Variants in ANXA10 observed in about 807,000 individuals in gnomAD.
ANXA10 encodes the protein annexin A10.
ANXA10 carries 49 observed loss-of-function variants against 53.5 expected under a neutral mutation model. That is an observed-to-expected ratio of 0.92 (90% CI 0.73 to 1.16). The LOEUF is 1.16. ANXA10 is among the 50% of genes most tolerant of loss of function. The pLI is 0.00. For synonymous variants in ANXA10, 131 were observed against 128.9 expected (o/e 1.02, Z -0.11); for missense variants, 393 against 394.4 (o/e 1.00, Z 0.03).
intron 3 of ANXA10, 30 bp downstream of exon 3, chr4:168,139,610 A>G: frequency 6.4e-7 from 1 of 1,563,446 alleles, no homozygotes; most frequent in Non-Finnish European, 8.8e-7. Flanking sequence ...ACCTATTTCT[A>G]GGGCAATCTC....
At chr4:168,108,430 G>A (rs1229288002) in intron 1 of ANXA10, among the ~76,000 whole-genome samples, 1 of 152,134 alleles carries the variant, frequency 6.6e-6, no homozygotes, top group African/African-American at 2.4e-5. Context: ...ATTTAGCACT[G>A]ATACACTATG....
intron 3 of ANXA10, among the ~76,000 whole-genome samples, chr4:168,141,375 A>G (rs1731322428): frequency 6.6e-6 from 1 of 152,164 alleles, no homozygotes; most frequent in African/African-American, 2.4e-5. Context: ...GATCTTCATC[A>G]TTTTGTGCCC....
At chr4:168,109,971 G>T (rs1730777609) in intron 1 of ANXA10, among the ~76,000 whole-genome samples, 1 of 152,228 alleles carries the variant, frequency 6.6e-6, no homozygotes. Flanking sequence ...AGCACTTCGG[G>T]AGGCCGAGAC....
intron 9 of ANXA10, among the ~76,000 whole-genome samples, chr4:168,180,669 A>G (rs1279999179): frequency 6.6e-6 from 1 of 152,236 alleles, no homozygotes; most frequent in Non-Finnish European, 1.5e-5. Flanking sequence ...AATGAAAGAA[A>G]AGATGAGGGT....
intron 11 of ANXA10, among the ~76,000 whole-genome samples, chr4:168,186,978 A>G (rs185951506): frequency 2.0e-5 from 3 of 152,224 alleles, no homozygotes; most frequent in South Asian, 4.1e-4. Context: ...ATTAATAATT[A>G]TAAATATTTT....
At chr4:168,152,673 G>A (rs542814045) in intron 3 of ANXA10, among the ~76,000 whole-genome samples, 76 of 151,318 alleles carry the variant, frequency 5.0e-4, no homozygotes, top group Admixed American at 4.4e-3. Flanking sequence ...AGGGAAACTC[G>A]CTTGGAGGCT....
At chr4:168,170,019 T>C (rs1296458822) in intron 6 of ANXA10, among the ~76,000 whole-genome samples, 1 of 152,232 alleles carries the variant, frequency 6.6e-6, no homozygotes, top group Admixed American at 6.5e-5. Flanking sequence ...CTTTTGGATG[T>C]AATAGGGCAA....
chr4:168,121,848 G>A (rs1314901194), intron 1 of ANXA10, among the ~76,000 whole-genome samples: 2 of 151,324 alleles, frequency 1.3e-5, no homozygotes, highest in Non-Finnish European at 2.9e-5. Flanking sequence ...TTTTTGTTTT[G>A]TTTTTGTTTT....
At chr4:168,126,037 A>T (rs1209103557) in intron 1 of ANXA10, among the ~76,000 whole-genome samples, 1 of 152,178 alleles carries the variant, frequency 6.6e-6, no homozygotes, top group African/African-American at 2.4e-5. Context: ...ATCTTAATAC[A>T]TACAGATACA....
intron 1 of ANXA10, among the ~76,000 whole-genome samples, chr4:168,120,936 A>C (rs186848947): frequency 1.3e-5 from 2 of 152,236 alleles, no homozygotes; most frequent in East Asian, 3.9e-4. Flanking sequence ...CTTCATATCC[A>C]GATCTAGGAC....
rs146609691 is a variant in ANXA10 at position 168,113,544 on chromosome 4, G to A, written c.19-14540G>A. Among the ~76,000 whole-genome samples the A allele has an allele frequency of 6.4e-3, 980 of 152,378 alleles. 11 individuals carry two copies. Among genetic ancestry groups the A allele is most frequent in the Non-Finnish European group, 8.7e-3 (595 of 68,032 alleles). ...TAAAGGAAAAGTGCTGTGTTCTCAAGTAACAGAAGGTGGAGGAACTCCTTT... is the reference window on the plus strand; with the variant it reads ...TAAAGGAAAAGTGCTGTGTTCTCAAATAACAGAAGGTGGAGGAACTCCTTT... On this transcript the variant is annotated intron_variant, in intron 1 of 11. Transcript: ENST00000359299.
intron 1 of ANXA10, among the ~76,000 whole-genome samples, chr4:168,102,061 T>C (rs1292748487): frequency 6.6e-6 from 1 of 152,158 alleles, no homozygotes; most frequent in East Asian, 1.9e-4. Context: ...GAGAAACAAC[T>C]TTACCAAGAG....
At chr4:168,121,997 CA>C (rs1730993663) in intron 1 of ANXA10, among the ~76,000 whole-genome samples, 1 of 140,340 alleles carries the variant, frequency 7.1e-6, no homozygotes, top group African/African-American at 2.5e-5. Flanking sequence ...CGCCCACCAC[CA>C]CGCCCGGCTA....
intron 6 of ANXA10, among the ~76,000 whole-genome samples, chr4:168,173,286 T>G (rs1249196562): frequency 6.6e-6 from 1 of 152,182 alleles, no homozygotes; most frequent in Non-Finnish European, 1.5e-5. Context: ...TGGTAGCCTC[T>G]GAGCAAGCAA....
rs2149480751 is a variant in ANXA10, at chr4:168,177,804, C to T, written c.534+11C>T. 6.2e-7 allele frequency: 1 copy of T among 1,614,136 alleles called. No individual in the cohort carries two copies. Among genetic ancestry groups the T allele is most frequent in the South Asian group, 1.1e-5 (1 of 91,082 alleles). On this transcript the variant is annotated intron_variant, in intron 7 of 11. Transcript: ENST00000359299. ...GCTCAGGATGCAATGGTAACTAGAA[C>T]CAGTTCTCAGACTGACTGCAAAGAA...
At chr4:168,104,788 A>G (rs552474994) in intron 1 of ANXA10, among the ~76,000 whole-genome samples, 27 of 151,798 alleles carry the variant, frequency 1.8e-4, no homozygotes, top group Non-Finnish European at 3.1e-4. Flanking sequence ...CCAAATAATA[A>G]CTTTACTTCA....
intron 1 of ANXA10, among the ~76,000 whole-genome samples, chr4:168,098,193 A>G (rs1270243643): frequency 6.6e-6 from 1 of 152,070 alleles, no homozygotes; most frequent in African/African-American, 2.4e-5. Flanking sequence ...TTTAACAAAC[A>G]GTAAAGGAAG....
At chr4:168,155,793 T>TC (rs1731624358) in intron 3 of ANXA10, among the ~76,000 whole-genome samples, 11 of 45,428 alleles carry the variant, frequency 2.4e-4, no homozygotes, top group Non-Finnish European at 3.6e-4. Context: ...ATATTATATA[T>TC]AATATATAAT....
intron 2 of ANXA10, among the ~76,000 whole-genome samples, chr4:168,136,426 T>A (rs2149471465): frequency 6.6e-6 from 1 of 152,254 alleles, no homozygotes; most frequent in Non-Finnish European, 1.5e-5. Flanking sequence ...ACTTCCAATG[T>A]ACAATTGGGG....
Sources: allele counts gnomAD v4.1 joint callset (sites outside exome capture counted in the v4.1 genomes callset), GRCh38; gene constraint gnomAD v4.1.1; transcripts MANE v1.5; gene names NCBI Gene and HGNC (gene_info 2026-07-23, HGNC 2026-07-21).